Variants in SSH2 observed in about 807,000 individuals in gnomAD.
The protein encoded by SSH2 is slingshot protein phosphatase 2, also known as protein phosphatase Slingshot homolog 2.
In SSH2, 37 loss-of-function variants were observed where a neutral mutation model predicts 135.2. The ratio of observed to expected loss-of-function variants is 0.27; its 90% CI spans 0.21 to 0.36. The LOEUF (loss-of-function observed/expected upper bound fraction) is 0.36. SSH2 is among the 10% of genes least tolerant of loss of function. The pLI, the probability that SSH2 is intolerant of heterozygous loss-of-function variation, is 1.00. For missense variants in SSH2, 1,408 were observed against 1,765.3 expected (o/e 0.80, Z 3.63); for synonymous variants, 628 against 646.2 (o/e 0.97, Z 0.43).
At chr17:29,775,234 C>G (rs1310206856) in intron 3 of SSH2, among the ~76,000 whole-genome samples, 1 of 151,226 alleles carries the variant, frequency 6.6e-6, no homozygotes, top group Non-Finnish European at 1.5e-5. Flanking sequence ...TGCATGAGAT[C>G]TGGCAGCCTA....
At chr17:29,712,932 C>G (rs1454740350) in intron 3 of SSH2, among the ~76,000 whole-genome samples, 1 of 152,232 alleles carries the variant, frequency 6.6e-6, no homozygotes, top group African/African-American at 2.4e-5. Context: ...GCTTAAGCCC[C>G]CATGTCATCT....
intron 3 of SSH2, among the ~76,000 whole-genome samples, chr17:29,719,579 C>T (rs1031370367): frequency 2.0e-5 from 3 of 151,616 alleles, no homozygotes; most frequent in African/African-American, 7.3e-5. Flanking sequence ...TATTGAGTAC[C>T]CACCTGTGTT....
chr17:29,841,993 C>T (rs755308544), intron 2 of SSH2, among the ~76,000 whole-genome samples: 4 of 150,996 alleles, frequency 2.6e-5, no homozygotes, highest in Non-Finnish European at 5.9e-5. Context: ...CTCAGCCTCC[C>T]AAAGTGCTGG....
chr17:29,658,745 T>C (rs1598738209), intron 11 of SSH2, among the ~76,000 whole-genome samples: 1 of 151,562 alleles, frequency 6.6e-6, no homozygotes, highest in East Asian at 1.9e-4. Context: ...CGCATGCCTG[T>C]AATCATAGCT....
At chr17:29,673,095 T>C (rs1217552504) in intron 8 of SSH2, among the ~76,000 whole-genome samples, 4 of 152,068 alleles carry the variant, frequency 2.6e-5, no homozygotes, top group Non-Finnish European at 5.9e-5. Flanking sequence ...AAAAGTATGT[T>C]TTTCATTATA....
chr17:29,814,432 C>CAAAAAAA (rs1179862061), intron 2 of SSH2, among the ~76,000 whole-genome samples: 12 of 39,042 alleles, frequency 3.1e-4, no homozygotes, highest in African/African-American at 5.5e-4. Flanking sequence ...GACTCTGTCT[C>CAAAAAAA]AAAAAAAAAA....
chr17:29,643,413 CTT>C (rs34985622), intron 14 of SSH2: 3,651 of 182,132 alleles, frequency 0.02, no homozygotes, highest in Middle Eastern at 0.038. Flanking sequence ...TGTGAATACG[CTT>C]TTTTTTTTTT....
rs1567650094 is a variant in SSH2 at position 29,913,356 on chromosome 17, A to AAAAAAAAAAAAT, written c.63+16581_63+16582insATTTTTTTTTTT. Among the ~76,000 whole-genome samples the AAAAAAAAAAAAT allele has an allele frequency of 2.8e-5, 2 of 71,020 alleles. 1 individual carries two copies. Among genetic ancestry groups the AAAAAAAAAAAAT allele is most frequent in the Non-Finnish European group, 5.4e-5 (2 of 37,210 alleles). The allele number at this position is 71,020 out of a possible 152,430, so 46.6% of individuals were successfully genotyped here. A position where few individuals can be genotyped will look rare whatever the true frequency, so the allele number is the denominator to read the frequency against. ...AAAAAAAAAAAAAAAAAATATATAT[A>AAAAAAAAAAAAT]TATATATATATATATATATATATAT... On this transcript the variant is annotated intron_variant, in intron 1 of 15. Coordinates refer to ENST00000540801, the MANE Select transcript of SSH2 (RefSeq NM_001282129.2).
At chr17:29,660,269 CTT>C (rs749186449) in intron 11 of SSH2, among the ~76,000 whole-genome samples, 109 of 140,128 alleles carry the variant, frequency 7.8e-4, no homozygotes, top group Admixed American at 7.2e-4. Flanking sequence ...CTAACCTCTC[CTT>C]TTTTTTTTTT....
At chr17:29,664,730 T>C (rs1033064169) in intron 11 of SSH2, among the ~76,000 whole-genome samples, 53 of 152,326 alleles carry the variant, frequency 3.5e-4, no homozygotes, top group African/African-American at 1.2e-3. Flanking sequence ...ATCATGGTAT[T>C]AATCTACTGG....
At chr17:29,918,133 C>G (rs912280762) in intron 1 of SSH2, among the ~76,000 whole-genome samples, 1 of 152,138 alleles carries the variant, frequency 6.6e-6, no homozygotes. Flanking sequence ...CTGGAGTGAG[C>G]TGTGTTTGTA....
chr17:29,878,376 G>A (rs902104791), intron 1 of SSH2, among the ~76,000 whole-genome samples: 2 of 151,926 alleles, frequency 1.3e-5, no homozygotes, highest in Non-Finnish European at 2.9e-5. Flanking sequence ...GCAGTAAGCC[G>A]AGATTGTGCC....
At chr17:29,632,957 T>TTATG (rs774536527) in intron 15 of SSH2, 26 bp from the exon 16 acceptor site, 110 of 1,562,874 alleles carry the variant, frequency 7.0e-5, no homozygotes, top group Non-Finnish European at 9.1e-5. Flanking sequence ...AGTGAGAAGA[T>TTATG]TATGGCAAAC....
chr17:29,842,432 C>T (rs543845856), intron 2 of SSH2, among the ~76,000 whole-genome samples: 9 of 141,098 alleles, frequency 6.4e-5, no homozygotes, highest in Middle Eastern at 3.4e-3. Context: ...CCAGCCTGGG[C>T]GACAGAGTGA....
intron 3 of SSH2, among the ~76,000 whole-genome samples, chr17:29,786,007 T>C (rs1322797400): frequency 6.6e-6 from 1 of 151,896 alleles, no homozygotes; most frequent in Non-Finnish European, 1.5e-5. Flanking sequence ...GGTTTCACCG[T>C]GTCAGCCAGG....
chr17:29,839,905 T>C (rs760706483), intron 2 of SSH2, among the ~76,000 whole-genome samples: 69 of 152,192 alleles, frequency 4.5e-4, no homozygotes, highest in Non-Finnish European at 5.9e-5. Context: ...TAAGCAAGCC[T>C]GGTTCCTCAC....
At chr17:29,733,694 T>C (rs1439190532) in intron 3 of SSH2, among the ~76,000 whole-genome samples, 2 of 152,212 alleles carry the variant, frequency 1.3e-5, no homozygotes, top group African/African-American at 4.8e-5. Flanking sequence ...TATTTACTTC[T>C]AAACCAAAAG....
chr17:29,704,403 T>C (rs2039115524), intron 3 of SSH2, among the ~76,000 whole-genome samples: 1 of 152,136 alleles, frequency 6.6e-6, no homozygotes, highest in African/African-American at 2.4e-5. Context: ...TAGTAACTAT[T>C]CAAAATACAA....
chr17:29,878,523 T>C (rs1293377487), intron 1 of SSH2, among the ~76,000 whole-genome samples: 1 of 152,204 alleles, frequency 6.6e-6, no homozygotes, highest in Non-Finnish European at 1.5e-5. Context: ...ACATAGTTGA[T>C]GCTCAAAATA....
Sources: allele counts gnomAD v4.1 joint callset (sites outside exome capture counted in the v4.1 genomes callset), GRCh38; gene constraint gnomAD v4.1.1; transcripts MANE v1.5; gene names NCBI Gene and HGNC (gene_info 2026-07-23, HGNC 2026-07-21).